The following AFG1L variants were observed in gnomAD, a reference collection of about 807,000 sequenced individuals.
AFG1L encodes the protein AFG1 like ATPase, also known as AFG1-like ATPase.
A neutral mutation model predicts 62.2 loss-of-function variants in AFG1L; 53 were observed. The ratio of observed to expected loss-of-function variants is 0.85; its 90% CI spans 0.68 to 1.07. The LOEUF is 1.07. Ranked by LOEUF, AFG1L falls within the 50% of genes least tolerant of loss-of-function variation. The pLI is 0.00. For synonymous variants in AFG1L, 228 were observed against 210.3 expected (o/e 1.08, Z -0.73); for missense variants, 555 against 590.5 (o/e 0.94, Z 0.62).
intron 2 of AFG1L, among the ~76,000 whole-genome samples, chr6:108,330,263 T>C (rs1232973008): frequency 1.4e-5 from 2 of 147,148 alleles, no homozygotes; most frequent in Non-Finnish European, 3.0e-5. Flanking sequence ...CATGGCAGCC[T>C]CCCCCGGGTT....
At chr6:108,383,104 G>C (rs539456956) in intron 6 of AFG1L, among the ~76,000 whole-genome samples, 1 of 152,154 alleles carries the variant, frequency 6.6e-6, no homozygotes, top group East Asian at 1.9e-4. Flanking sequence ...GTGGTGGTGC[G>C]CACCTGTAAT....
intron 7 of AFG1L, among the ~76,000 whole-genome samples, chr6:108,412,049 A>G (rs567822539): frequency 1.3e-5 from 2 of 152,306 alleles, no homozygotes; most frequent in East Asian, 1.9e-4. Flanking sequence ...ACTAGAAAAA[A>G]CAGTTCAGAG....
intron 2 of AFG1L, among the ~76,000 whole-genome samples, chr6:108,333,042 T>C (rs1307318883): frequency 6.6e-6 from 1 of 152,208 alleles, no homozygotes; most frequent in Non-Finnish European, 1.5e-5. Flanking sequence ...TTAAAACTTC[T>C]AGTTAACAAA....
At chr6:108,502,163 A>G (rs1774229910) in intron 10 of AFG1L, among the ~76,000 whole-genome samples, 1 of 151,414 alleles carries the variant, frequency 6.6e-6, no homozygotes, top group Non-Finnish European at 1.5e-5. Context: ...AGTAGCTGAG[A>G]TTACAGGTGC....
intron 11 of AFG1L, among the ~76,000 whole-genome samples, chr6:108,513,842 G>A (rs1353379144): frequency 6.6e-6 from 1 of 152,228 alleles, no homozygotes; most frequent in East Asian, 1.9e-4. Context: ...CCCCCAAGTA[G>A]CCTAACTGGG....
At chr6:108,497,601 G>A (rs920067266) in intron 10 of AFG1L, among the ~76,000 whole-genome samples, 1 of 151,364 alleles carries the variant, frequency 6.6e-6, no homozygotes, top group African/African-American at 2.4e-5. Flanking sequence ...TTTCCTTCTA[G>A]TTCTTGTATA....
intron 10 of AFG1L, among the ~76,000 whole-genome samples, chr6:108,494,720 C>A (rs1375188526): frequency 6.6e-6 from 1 of 151,870 alleles, no homozygotes; most frequent in Non-Finnish European, 1.5e-5. Context: ...ATTATTTACT[C>A]TGCAAATACA....
intron 6 of AFG1L, among the ~76,000 whole-genome samples, chr6:108,380,813 C>G (rs1582477591): frequency 6.6e-6 from 1 of 152,274 alleles, no homozygotes; most frequent in Middle Eastern, 3.4e-3. Flanking sequence ...AATGCTTTCC[C>G]TTGGCCTGGG....
At chr6:108,503,776 C>T (rs541297216) in intron 10 of AFG1L, among the ~76,000 whole-genome samples, 25 of 152,334 alleles carry the variant, frequency 1.6e-4, no homozygotes, top group African/African-American at 5.5e-4. Flanking sequence ...CATCTTCTTT[C>T]GATTCATCTG....
chr6:108,368,641 T>G (rs1779860143), intron 6 of AFG1L, among the ~76,000 whole-genome samples: 1 of 152,204 alleles, frequency 6.6e-6, no homozygotes, highest in Non-Finnish European at 1.5e-5. Flanking sequence ...CTACAGCTGA[T>G]GTGTTGATTT....
chr6:108,359,666 G>A (rs749539139), intron 5 of AFG1L: 9 of 152,280 alleles, frequency 5.9e-5, no homozygotes, highest in Non-Finnish European at 1.0e-4. Context: ...CCTTGGACTT[G>A]TATGGTGTGG....
chr6:108,341,856 G>A (rs1778696435), intron 2 of AFG1L, among the ~76,000 whole-genome samples: 1 of 152,036 alleles, frequency 6.6e-6, no homozygotes, highest in Admixed American at 6.6e-5. Flanking sequence ...TCTTATAACT[G>A]GTCACTAGAG....
chr6:108,295,193 C>G lies in AFG1L; in HGVS notation c.114C>G (p.Thr38=). Residue 38 remains threonine (T), a synonymous_variant, in exon 1 of 13, where the codon ACC becomes ACG. Coordinates refer to ENST00000368977, the MANE Select transcript of AFG1L (RefSeq NM_145315.5). ...AWAAALAPLA[T]APGKPFWKAY... Reference sequence around the variant, plus strand: ...CCGCCGCTCTCGCTCCTCTGGCCACCGCCCCTGGGAAGCCCTTTTGGAAAG... The same window carrying G: ...CCGCCGCTCTCGCTCCTCTGGCCACGGCCCCTGGGAAGCCCTTTTGGAAAG... 6.2e-7 allele frequency: 1 copy of G among 1,605,968 alleles called. No homozygotes were observed. The highest frequency in any genetic ancestry group is 8.5e-7 in the Non-Finnish European group (1 of 1,179,826).
chr6:108,323,740 A>C, intron 1 of AFG1L, 85 bp from the exon 2 acceptor site: 2 of 904,650 alleles, frequency 2.2e-6, no homozygotes, highest in South Asian at 3.1e-5. Context: ...ACTAGTTAAA[A>C]GTTTGAATTT....
chr6:108,514,406 A>G (rs1461833024), intron 11 of AFG1L, among the ~76,000 whole-genome samples: 1 of 152,180 alleles, frequency 6.6e-6, no homozygotes, highest in African/African-American at 2.4e-5. Context: ...TAAGCTTCAT[A>G]AGTGAAGGAG....
Position 108,316,774 on chromosome 6 carries a change from T to C in AFG1L, c.140-7051T>C, listed in dbSNP as rs181441463. ...GTCTCAATCTCCTGACCTCGTGATC[T>C]GCCCGCCTTGGCCTCCCAAAGTCCT... On this transcript the variant is annotated intron_variant, in intron 1 of 12. Coordinates refer to ENST00000368977, the MANE Select transcript of AFG1L (RefSeq NM_145315.5). Among the ~76,000 whole-genome samples, 459 of 152,152 alleles carry C rather than the reference T, an allele frequency of 3.0e-3. 1 individual carries two copies. Among genetic ancestry groups the C allele is most frequent in the South Asian group, 3.3e-3 (16 of 4,816 alleles).
Position 108,525,038 on chromosome 6 carries a change from A to G in AFG1L, c.*2613A>G, listed in dbSNP as rs1489973148. 1 of 152,144 alleles carries G rather than the reference A, an allele frequency of 6.6e-6. No homozygotes were observed. Among genetic ancestry groups the G allele is most frequent in the East Asian group, 1.9e-4 (1 of 5,192 alleles). 9.4% of individuals were successfully genotyped at this position (152,144 alleles called of 1,614,324 possible). On this transcript the variant is annotated 3_prime_UTR_variant, in exon 13 of 13. Transcript: ENST00000368977. ...TCTCAGCAAATGCTCTTTTTTTGAAATGCTTTAAATGTATACTTTGAGACG... is the reference window on the plus strand; with the variant it reads ...TCTCAGCAAATGCTCTTTTTTTGAAGTGCTTTAAATGTATACTTTGAGACG...
chr6:108,410,451 CTAGAA>C (rs1159070201), intron 7 of AFG1L, among the ~76,000 whole-genome samples: 1 of 152,046 alleles, frequency 6.6e-6, no homozygotes, highest in Non-Finnish European at 1.5e-5. Context: ...CAAGTAGATA[CTAGAA>C]GAGAAGAGAA....
At chr6:108,406,817 T>C (rs1037146081) in intron 7 of AFG1L, among the ~76,000 whole-genome samples, 2 of 152,216 alleles carry the variant, frequency 1.3e-5, no homozygotes, top group African/African-American at 4.8e-5. Context: ...GTGGATCTTA[T>C]TTGAACTTTC....
Sources: allele counts gnomAD v4.1 joint callset (sites outside exome capture counted in the v4.1 genomes callset), GRCh38; gene constraint gnomAD v4.1.1; transcripts MANE v1.5; gene names NCBI Gene and HGNC (gene_info 2026-07-23, HGNC 2026-07-21).